The following TMEM232 variants were observed in gnomAD, a reference collection of about 807,000 sequenced individuals.
TMEM232 encodes transmembrane protein 232.
A neutral mutation model predicts 78.8 loss-of-function variants in TMEM232; 80 were observed. That is an observed-to-expected ratio of 1.01 (90% CI 0.85 to 1.22). The LOEUF is 1.22. Ranked by LOEUF, TMEM232 falls within the 50% of genes most tolerant of loss-of-function variation. The pLI is 0.00. For synonymous variants in TMEM232, 297 were observed against 254.3 expected (o/e 1.17, Z -1.60); for missense variants, 881 against 742.2 (o/e 1.19, Z -2.17).
At chr5:110,678,943 C>T (rs1271952418) in intron 1 of TMEM232, among the ~76,000 whole-genome samples, 1 of 152,144 alleles carries the variant, frequency 6.6e-6, no homozygotes, top group African/African-American at 2.4e-5. Context: ...ATCTTAGTTG[C>T]TTTCAAGTTT....
chr5:110,590,193 A>G (rs1779331446), intron 10 of TMEM232, among the ~76,000 whole-genome samples: 1 of 152,176 alleles, frequency 6.6e-6, no homozygotes, highest in Non-Finnish European at 1.5e-5. Context: ...TTGAATTAAT[A>G]GCCATTTGAC....
chr5:110,650,763 G>T (rs1300040516), intron 2 of TMEM232, among the ~76,000 whole-genome samples: 1 of 151,854 alleles, frequency 6.6e-6, no homozygotes, highest in Admixed American at 6.6e-5. Context: ...TGGGATCCTG[G>T]AACAGAAAAA....
At chr5:110,442,563 G>C (rs1759181995) in intron 12 of TMEM232, among the ~76,000 whole-genome samples, 1 of 152,024 alleles carries the variant, frequency 6.6e-6, no homozygotes, top group South Asian at 2.1e-4. Context: ...CCTCAGCACA[G>C]CTATTTTTAG....
At chr5:110,678,700 C>T (rs189357854) in intron 1 of TMEM232, among the ~76,000 whole-genome samples, 7 of 152,228 alleles carry the variant, frequency 4.6e-5, no homozygotes, top group East Asian at 1.9e-4. Flanking sequence ...CCCGACCCCC[C>T]ACCATGCCTG....
At chr5:110,496,353 G>A (rs1359343804) in intron 12 of TMEM232, among the ~76,000 whole-genome samples, 4 of 151,862 alleles carry the variant, frequency 2.6e-5, no homozygotes, top group Non-Finnish European at 4.4e-5. Context: ...ATGTAATGAA[G>A]CTCATGAACA....
At chr5:110,435,404 G>A (rs370723115) in intron 12 of TMEM232, among the ~76,000 whole-genome samples, 33 of 150,428 alleles carry the variant, frequency 2.2e-4, no homozygotes, top group South Asian at 1.5e-3. Context: ...TTTGGTACAG[G>A]CATGCAATAT....
At chr5:110,500,288 C>CAAAAAAAAAAAAA (rs773716425) in intron 12 of TMEM232, among the ~76,000 whole-genome samples, 1 of 70,742 alleles carries the variant, frequency 1.4e-5, no homozygotes, top group African/African-American at 5.2e-5. Flanking sequence ...GACTCTGTCT[C>CAAAAAAAAAAAAA]AAAAAAAAAA....
intron 2 of TMEM232, among the ~76,000 whole-genome samples, chr5:110,399,030 T>C (rs1330929921): frequency 1.3e-5 from 2 of 152,036 alleles, no homozygotes; most frequent in Non-Finnish European, 1.5e-5. Context: ...CCTCCAAATA[T>C]TCTGTGAGCC....
chr5:110,572,811 GA>G lies in TMEM232; in HGVS notation c.1277-4187del, dbSNP rs201292106. 2.3e-4 allele frequency among the ~76,000 whole-genome samples: 35 copies of G among 151,762 alleles called. No individual in the cohort carries two copies. The East Asian group carries it at 4.1e-3, about 18-fold the overall frequency. On this transcript the variant is annotated intron_variant, in intron 10 of 13. Coordinates refer to ENST00000455884, the MANE Select transcript of TMEM232 (RefSeq NM_001039763.4). ...ACCCAACTGACTGACAGTTAATGAA[GA>G]AAAAAAACCTTATAAAGACAGATGG...
chr5:110,660,347 T>G (rs1204357249), intron 2 of TMEM232, among the ~76,000 whole-genome samples: 1 of 152,076 alleles, frequency 6.6e-6, no homozygotes, highest in Admixed American at 6.6e-5. Context: ...GTTTTAAACA[T>G]TTTTCTAGAA....
intron 2 of TMEM232, among the ~76,000 whole-genome samples, chr5:110,643,219 G>A (rs781046819): frequency 5.0e-4 from 76 of 152,030 alleles, no homozygotes; most frequent in Admixed American, 4.3e-3. Flanking sequence ...TTAGAGAAGC[G>A]GATGTGGGGT....
chr5:110,417,589 G>A (rs552931676), downstream of TMEM232: 1 of 148,054 alleles, frequency 6.8e-6, no homozygotes, highest in African/African-American at 2.5e-5. Context: ...CTTAAAAGGT[G>A]ATGCTTTCTT....
chr5:110,428,403 C>T (rs1198690496), intron 12 of TMEM232, among the ~76,000 whole-genome samples: 1 of 151,690 alleles, frequency 6.6e-6, no homozygotes, highest in African/African-American at 2.4e-5. Context: ...TTCTCCCATC[C>T]TCTTGGTAGT....
At chr5:110,470,777 G>A (rs995627282) in intron 12 of TMEM232, among the ~76,000 whole-genome samples, 3 of 152,130 alleles carry the variant, frequency 2.0e-5, no homozygotes, top group Non-Finnish European at 4.4e-5. Context: ...TTTAGAAGTG[G>A]TGATTGTTAC....
intron 12 of TMEM232, among the ~76,000 whole-genome samples, chr5:110,475,037 C>A (rs73220755): frequency 0.019 from 2,837 of 151,886 alleles, 104 homozygotes; most frequent in African/African-American, 0.066. Context: ...ATTCAAAAGT[C>A]CTGAAGAGCC....
chr5:110,688,012 G>A (rs1483084187), intron 1 of TMEM232, among the ~76,000 whole-genome samples: 1 of 152,018 alleles, frequency 6.6e-6, no homozygotes, highest in Non-Finnish European at 1.5e-5. Flanking sequence ...TATCATTGAT[G>A]TCTCTTAAGT....
intron 1 of TMEM232, among the ~76,000 whole-genome samples, chr5:110,701,235 G>C: frequency 6.6e-6 from 1 of 151,910 alleles, no homozygotes; most frequent in East Asian, 1.9e-4. Flanking sequence ...TTGATGATTT[G>C]CTAACACATA....
intron 10 of TMEM232, among the ~76,000 whole-genome samples, chr5:110,572,871 A>G (rs1369001577): frequency 6.6e-6 from 1 of 152,102 alleles, no homozygotes; most frequent in Admixed American, 6.6e-5. Context: ...AGTAGACCAC[A>G]TTCTAATTTG....
At chr5:110,531,108 C>G (rs1357110953) in intron 11 of TMEM232, among the ~76,000 whole-genome samples, 1 of 152,144 alleles carries the variant, frequency 6.6e-6, no homozygotes, top group Non-Finnish European at 1.5e-5. Context: ...CTGGCTCATC[C>G]TGGCTCAAAA....
Sources: gnomAD v4.1 joint callset for allele counts (sites outside exome capture counted in the v4.1 genomes callset) on GRCh38, gnomAD v4.1.1 for gene constraint, MANE v1.5 for transcripts, NCBI Gene and HGNC (gene_info 2026-07-23, HGNC 2026-07-21) for gene names.